RNF213: variants seen among roughly 807,000 people sequenced by gnomAD.
RNF213 encodes the protein ring finger protein 213.
A neutral mutation model predicts 514.4 loss-of-function variants in RNF213; 341 were observed. The observed-to-expected ratio is 0.66, with a 90% CI of 0.61 to 0.73. The LOEUF (loss-of-function observed/expected upper bound fraction) is 0.73. Ranked by LOEUF, RNF213 falls within the 30% of genes least tolerant of loss-of-function variation. The probability of loss-of-function intolerance (pLI) is 0.00; values close to 1 mark genes in which losing one functional copy is unlikely to be tolerated. For missense variants in RNF213, 5,767 were observed against 6,615.6 expected (o/e 0.87, Z 4.45); for synonymous variants, 2,655 against 2,658.2 (o/e 1.00, Z 0.04).
At position 80,381,650 on chromosome 17, in the gene RNF213, G is replaced by A; in HGVS notation, c.13901G>A (p.Ser4634Asn). 2 of 1,614,254 alleles carry A rather than the reference G, an allele frequency of 1.2e-6. No individual in the cohort carries two copies. Among genetic ancestry groups the A allele is most frequent in the African/African-American group, 2.7e-5 (2 of 75,076 alleles). The part of the protein sequence containing the change: ...LEQLAKMLGH[S>N]ADETIGVVHL... ...CAGTTGGCCAAGATGCTGGGACACA[G>A]TGCCGACGAGACCATCGGCGTGGTC... Residue 4634 changes from serine (S) to asparagine (N), a missense_variant, in exon 57 of 68, where the codon AGT becomes AAT. Transcript: ENST00000582970.
rs142915137 is a variant in RNF213 at position 80,356,427 on chromosome 17, G to T, written c.10862+1851G>T. On this transcript the variant is annotated intron_variant, in intron 36 of 67. Coordinates refer to ENST00000582970, the MANE Select transcript of RNF213 (RefSeq NM_001256071.3). ...TAGGCCTGGCTCCGTCGTGTTCTGTGGTCACCGTGAGGCCTGCGCAGCCGC... is the reference window on the plus strand; with the variant it reads ...TAGGCCTGGCTCCGTCGTGTTCTGTTGTCACCGTGAGGCCTGCGCAGCCGC... Among the ~76,000 whole-genome samples the T allele has an allele frequency of 3.7e-3, 564 of 152,358 alleles. 2 individuals carry two copies. Among genetic ancestry groups the T allele is most frequent in the Middle Eastern group, 0.014 (4 of 294 alleles).
chr17:80,373,265 AC>A, intron 49 of RNF213, 100 bp downstream of exon 49: 1 of 637,870 alleles, frequency 1.6e-6, no homozygotes, highest in Non-Finnish European at 2.3e-6. Context: ...CCCCCCCCAC[AC>A]CCCACCCCCT....
At chr17:80,341,663 A>G (rs2078157809) in intron 26 of RNF213, 1 of 152,320 alleles carries the variant, frequency 6.6e-6, no homozygotes, top group African/African-American at 2.4e-5. Context: ...GCTCCAGCCC[A>G]AGAGGTCGAG....
intron 13 of RNF213, among the ~76,000 whole-genome samples, chr17:80,308,564 C>G (rs1049867346): frequency 7.2e-5 from 11 of 152,150 alleles, no homozygotes; most frequent in African/African-American, 1.9e-4. Context: ...TAAGTCCCTG[C>G]TCTGTCCATG....
Position 80,383,083 on chromosome 17 carries a change from T to G in RNF213, c.14070+13T>G, listed in dbSNP as rs113926535. ...TCCTGAACTGGAGGTAAGCAGTAAG[T>G]GCTGACAGCTGGGTTGCTCCTCGGT... is the stretch of plus-strand genomic sequence containing the variant. On this transcript the variant is annotated intron_variant, in intron 58 of 67. Coordinates refer to ENST00000582970, the MANE Select transcript of RNF213 (RefSeq NM_001256071.3). The G allele has an allele frequency of 1.2e-5, 19 of 1,588,928 alleles. No individual in the cohort carries two copies. Among genetic ancestry groups the G allele is most frequent in the Non-Finnish European group, 1.6e-5 (19 of 1,157,318 alleles).
intron 12 of RNF213, 58 bp downstream of exon 12, chr17:80,306,526 A>C: frequency 6.7e-7 from 1 of 1,502,900 alleles, no homozygotes; most frequent in East Asian, 2.3e-5. Context: ...CTAGATAACT[A>C]AACATGGAAA....
chr17:80,384,828 T>C, intron 59 of RNF213: 1 of 615,524 alleles, frequency 1.6e-6, no homozygotes, highest in Non-Finnish European at 2.9e-6. Context: ...GGGCTCCCTC[T>C]TCGCCGCCCT....
In RNF213 at chr17:80,339,928, A is replaced by G. The variant is rs1389966925; in HGVS notation, c.5561A>G (p.Gln1854Arg). The G allele has an allele frequency of 6.5e-7, 1 of 1,536,874 alleles. No individual in the cohort carries two copies. Among genetic ancestry groups the G allele is most frequent in the South Asian group, 1.2e-5 (1 of 84,038 alleles). Residue 1854 changes from glutamine to arginine, a missense_variant, in exon 26 of 68, where the codon CAG (glutamine) becomes CGG (arginine). Gln to Arg is a conservative substitution (Grantham distance 43). Transcript: ENST00000582970. ...ALAVYMQTPS[Q>R]PLPTYDEVLL... The stretch of plus-strand genomic sequence containing the variant: ...GCTGTCTACATGCAAACCCCAAGCC[A>G]GCCCCTGCCCACTTACGATGAGGTG...
chr17:80,317,364 C>A lies in RNF213; in HGVS notation c.2901+87C>A. 1 of 1,181,034 alleles carries A rather than the reference C, an allele frequency of 8.5e-7. No homozygotes were observed. The highest frequency in any genetic ancestry group is 1.2e-6 in the Non-Finnish European group (1 of 802,186). 73.2% of individuals were successfully genotyped at this position (1,181,034 alleles called of 1,614,324 possible). A position where few individuals can be genotyped will look rare whatever the true frequency, so the allele number is the denominator to read the frequency against. Reference sequence around the variant, plus strand: ...ATTAGCGACAGCCAAGAGATCTCAGCAGTGCCTCTCTGTGGGCAGGGATGG... The same window carrying A: ...ATTAGCGACAGCCAAGAGATCTCAGAAGTGCCTCTCTGTGGGCAGGGATGG... On this transcript the variant is annotated intron_variant, in intron 16 of 67. Transcript: ENST00000582970. This position sits in a 1 kb window ranked among gnomAD's most constrained non-coding sequence, Gnocchi z 4.1.
At chr17:80,315,803 AGGTGGTGGTGGTGGTGGT>A (rs1490707423) in intron 15 of RNF213, 1 of 19,740 alleles carries the variant, frequency 5.1e-5, no homozygotes, top group Non-Finnish European at 1.2e-4. Flanking sequence ...GTGGTGGTGG[AGGTGGTGGTGGTGGTGGT>A]GGTGGTGATG....
rs758814638 is a variant in RNF213, at chr17:80,383,710, C to A, written c.14104C>A (p.Leu4702Ile). 6.2e-6 allele frequency: 10 copies of A among 1,613,820 alleles called. No homozygotes were observed. The highest frequency in any genetic ancestry group is 7.6e-6 in the Non-Finnish European group (9 of 1,179,970). ...LDKTLPTMNN[L>I]ISQDKRISSN... ...TAAAACCCTTCCCACCATGAATAAT[C>A]TCATCAGCCAAGATAAGCGTATCAG... is the stretch of plus-strand genomic sequence containing the variant. Residue 4702 changes from leucine to isoleucine, a missense_variant, in exon 59 of 68, where the codon CTC becomes ATC. Physicochemically the swap from Leu to Ile is conservative, Grantham distance 5 (BLOSUM62 2). Coordinates refer to ENST00000582970, the MANE Select transcript of RNF213 (RefSeq NM_001256071.3).
At position 80,262,402 on chromosome 17, in the gene RNF213, A is replaced by G. The variant is rs138105446; in HGVS notation, c.-108-1172A>G. ...ATTGATGTTTTTATGGCATTGGGAC[A>G]GGGGCTTGGGGCTGGAGAGGGGAGG... On this transcript the variant is annotated intron_variant, in intron 1 of 67. Coordinates refer to ENST00000582970, the MANE Select transcript of RNF213 (RefSeq NM_001256071.3). Among the ~76,000 whole-genome samples the G allele has an allele frequency of 7.0e-3, 1,059 of 152,248 alleles. 13 individuals are homozygous for G. Among genetic ancestry groups the G allele is most frequent in the African/African-American group, 0.025 (1,024 of 41,544 alleles).
chr17:80,362,907 A>G (rs2079107740), intron 39 of RNF213, among the ~76,000 whole-genome samples, 195 bp from the exon 40 acceptor site: 1 of 152,236 alleles, frequency 6.6e-6, no homozygotes, highest in African/African-American at 2.4e-5. Context: ...AGTGGCAAAA[A>G]GCCCAGACGA....
chr17:80,390,277 A>T, intron 67 of RNF213, 81 bp downstream of exon 67: 1 of 1,460,570 alleles, frequency 6.8e-7, no homozygotes, highest in South Asian at 1.2e-5. Context: ...ACACAAAAAT[A>T]GTTCTTTTCT....
At chr17:80,360,445 C>T (rs1053097735) in intron 38 of RNF213, 1 of 543,480 alleles carries the variant, frequency 1.8e-6, no homozygotes, top group African/African-American at 1.9e-5. Flanking sequence ...CAGCAGGAGC[C>T]TGTGAGATGG....
In RNF213 at chr17:80,268,675, A is replaced by G. The variant is rs903869084; in HGVS notation, c.98-4566A>G. Among the ~76,000 whole-genome samples the G allele has an allele frequency of 1.2e-4, 19 of 152,142 alleles. No individual in the cohort carries two copies. The South Asian group carries it at 1.7e-3, about 13-fold the overall frequency. On this transcript the variant is annotated intron_variant, in intron 2 of 67. Transcript: ENST00000582970. ...TCTATCTGTCATCTGTCTTCTATCA[A>G]TTATCCATCCATCCATTCATCCATG... is the stretch of plus-strand genomic sequence containing the variant.
intron 13 of RNF213, among the ~76,000 whole-genome samples, chr17:80,307,850 G>A (rs374364100): frequency 6.5e-5 from 7 of 107,894 alleles, no homozygotes; most frequent in African/African-American, 2.2e-4. Flanking sequence ...ATGCCTGGCC[G>A]TCTGTTTTTT....
At chr17:80,388,544 G>C in intron 63 of RNF213, 68 bp from the exon 64 acceptor site, 1 of 1,091,448 alleles carries the variant, frequency 9.2e-7, no homozygotes. Flanking sequence ...TGCAGATTCT[G>C]TTTGTCATCT....
At position 80,332,632 on chromosome 17, in the gene RNF213, G is replaced by GT; in HGVS notation, c.4143+2dup. The GT allele has an allele frequency of 6.7e-7, 1 of 1,481,862 alleles. No homozygotes were observed. Among genetic ancestry groups the GT allele is most frequent in the Non-Finnish European group, 8.9e-7 (1 of 1,120,018 alleles). 91.8% of individuals were successfully genotyped at this position (1,481,862 alleles called of 1,614,324 possible). On this transcript the variant is annotated splice_donor_variant, in intron 21 of 67. Transcript: ENST00000582970. LOFTEE classifies it high-confidence loss of function. ...TGTTCTCAACACTTTACTAAATTTT[G>GT]TAAGTTATTTGCTGGGGACTGTGGG...
Sources: allele counts gnomAD v4.1 joint callset (sites outside exome capture counted in the v4.1 genomes callset), GRCh38; gene constraint gnomAD v4.1.1; non-coding constraint Gnocchi (gnomAD v3.1); transcripts MANE v1.5; gene names NCBI Gene and HGNC (gene_info 2026-07-23, HGNC 2026-07-21).